PLEKHH2: variants seen among roughly 807,000 people sequenced by gnomAD.
The protein encoded by PLEKHH2 is pleckstrin homology, MyTH4 and FERM domain containing H2, also known as pleckstrin homology domain-containing family H member 2.
Under a neutral mutation model 187.9 loss-of-function variants are expected in PLEKHH2, and 129 were observed. The observed-to-expected ratio is 0.69, with a 90% CI of 0.59 to 0.79. The LOEUF is 0.79. PLEKHH2 is among the 30% of genes least tolerant of loss of function. The probability of loss-of-function intolerance (pLI) is 0.00; values close to 1 mark genes in which losing one functional copy is unlikely to be tolerated. For synonymous variants in PLEKHH2, 686 were observed against 605.6 expected, an observed-to-expected ratio of 1.13 and a Z score of -1.95; for missense variants, 2,076 against 1,751.2, an observed-to-expected ratio of 1.19 and a Z score of -3.31.
intron 20 of PLEKHH2, 71 bp from the exon 21 acceptor site, chr2:43,740,875 A>G: frequency 1.3e-6 from 2 of 1,579,766 alleles, no homozygotes; most frequent in Non-Finnish European, 1.7e-6. Context: ...TCATCAGCCC[A>G]TTGCACTCAC....
In PLEKHH2 at chr2:43,710,989, C is replaced by T. The variant is rs555596311; in HGVS notation, c.2301+414C>T. 287 of 998,394 alleles carry T rather than the reference C, an allele frequency of 2.9e-4. No individual in the cohort carries two copies. In the African/African-American group the frequency reaches 4.8e-3, roughly 17 times the overall value. The allele number at this position is 998,394 out of a possible 1,614,324, so 61.8% of individuals were successfully genotyped here. A position where few individuals can be genotyped will look rare whatever the true frequency, so the allele number is the denominator to read the frequency against. ...CTGAAAATGACAGTTCTTATATGAA[C>T]TTCAGATGCCATAACACCAAAGTGG... On this transcript the variant is annotated intron_variant, in intron 14 of 29. Transcript: ENST00000282406.
At position 43,710,002 on chromosome 2, in the gene PLEKHH2, C is replaced by T. The variant is rs552211925; in HGVS notation, c.1979C>T (p.Ser660Phe). Residue 660 changes from serine to phenylalanine, a missense_variant, in exon 12 of 30, where the codon TCC becomes TTC. Coordinates refer to ENST00000282406, the MANE Select transcript of PLEKHH2 (RefSeq NM_172069.4). The stretch of plus-strand genomic sequence containing the variant: ...TTTGTTCTCTTAGGTGTGTCTCTCT[C>T]CTCTGTGGCTTCTGAAAGTGATTAT... ...PRAMKRGVSL[S>F]SVASESDYAI... 6.2e-7 allele frequency: 1 copy of T among 1,611,350 alleles called. No individual in the cohort carries two copies. Among genetic ancestry groups the T allele is most frequent in the Non-Finnish European group, 8.5e-7 (1 of 1,178,978 alleles).
rs1193890596 is a variant in PLEKHH2, at chr2:43,683,149, T to TG, written c.186+4224_186+4225insG. On this transcript the variant is annotated intron_variant, in intron 3 of 29. Coordinates refer to ENST00000282406, the MANE Select transcript of PLEKHH2 (RefSeq NM_172069.4). Reference sequence around the variant, plus strand: ...TTCTTTTATTTATATACCCTTTTTTTTTTTTTTTTTTTTGAGATGGAGTTT... The same window carrying TG: ...TTCTTTTATTTATATACCCTTTTTTTGTTTTTTTTTTTTTGAGATGGAGTTT... 1.1e-3 allele frequency among the ~76,000 whole-genome samples: 168 copies of TG among 146,592 alleles called. 3 individuals are homozygous for TG. The highest frequency in any genetic ancestry group is 4.1e-3 in the African/African-American group (162 of 39,782).
intron 2 of PLEKHH2, among the ~76,000 whole-genome samples, chr2:43,647,387 A>G (rs562470166): frequency 6.6e-6 from 1 of 152,342 alleles, no homozygotes; most frequent in Non-Finnish European, 1.5e-5. Flanking sequence ...CCAAGATTCA[A>G]ACCCAGGCAT....
At chr2:43,639,309 A>C (rs1010834606) in intron 1 of PLEKHH2, among the ~76,000 whole-genome samples, 17 of 152,226 alleles carry the variant, frequency 1.1e-4, no homozygotes, top group African/African-American at 4.1e-4. Flanking sequence ...TTTAAAGTAT[A>C]CAGTTCACTG....
At chr2:43,712,895 G>A (rs1670037179) in intron 15 of PLEKHH2, among the ~76,000 whole-genome samples, 1 of 151,966 alleles carries the variant, frequency 6.6e-6, no homozygotes, top group Non-Finnish European at 1.5e-5. Context: ...TTTAAAATCT[G>A]GTGAAAAGTA....
chr2:43,730,064 C>T (rs1168489338), intron 18 of PLEKHH2, among the ~76,000 whole-genome samples: 2 of 152,140 alleles, frequency 1.3e-5, no homozygotes, highest in African/African-American at 2.4e-5. Flanking sequence ...CCCCAGCCAG[C>T]CCTCTGCAGC....
intron 19 of PLEKHH2, among the ~76,000 whole-genome samples, chr2:43,735,637 C>G (rs1455527659): frequency 1.3e-5 from 2 of 152,122 alleles, no homozygotes; most frequent in Non-Finnish European, 2.9e-5. Flanking sequence ...TCCCAATTCC[C>G]TTGATTTGAT....
At chr2:43,754,348 T>C (rs1672129685) in intron 25 of PLEKHH2, among the ~76,000 whole-genome samples, 1 of 150,584 alleles carries the variant, frequency 6.6e-6, no homozygotes. Flanking sequence ...GTCATCACCA[T>C]GGTCCTGGGA....
chr2:43,637,757 C>T (rs1703182938), intron 1 of PLEKHH2, among the ~76,000 whole-genome samples: 1 of 152,198 alleles, frequency 6.6e-6, no homozygotes, highest in African/African-American at 2.4e-5. Flanking sequence ...GAGGGACCCG[C>T]GCGGTCAGGG....
intron 3 of PLEKHH2, among the ~76,000 whole-genome samples, chr2:43,690,196 G>A (rs1367605264): frequency 3.9e-5 from 6 of 152,192 alleles, no homozygotes; most frequent in Non-Finnish European, 8.8e-5. Context: ...TGCTTGGGCA[G>A]TTTTGCATGA....
chr2:43,669,100 G>A (rs565636432), intron 2 of PLEKHH2, among the ~76,000 whole-genome samples: 1 of 152,268 alleles, frequency 6.6e-6, no homozygotes, highest in Admixed American at 6.5e-5. Context: ...GGTTGACTAA[G>A]GCCCCTACTT....
intron 4 of PLEKHH2, among the ~76,000 whole-genome samples, chr2:43,693,915 C>G (rs541698326): frequency 7.2e-5 from 11 of 152,182 alleles, no homozygotes; most frequent in Admixed American, 7.2e-4. Flanking sequence ...CTTTCTACCA[C>G]CCCTAGACCC....
chr2:43,705,604 G>A (rs895742273), intron 9 of PLEKHH2, among the ~76,000 whole-genome samples: 11 of 152,052 alleles, frequency 7.2e-5, no homozygotes, highest in Admixed American at 6.5e-4. Context: ...CCTGATAAAG[G>A]CTTAAGAACA....
intron 14 of PLEKHH2, chr2:43,711,387 A>G (rs965974398): frequency 1.0e-5 from 10 of 985,128 alleles, no homozygotes; most frequent in Non-Finnish European, 1.2e-5. Flanking sequence ...GAAATTTGGA[A>G]AATTTGCAGT....
intron 2 of PLEKHH2, among the ~76,000 whole-genome samples, chr2:43,672,373 T>C (rs1324659350): frequency 6.6e-6 from 1 of 152,210 alleles, no homozygotes; most frequent in East Asian, 1.9e-4. Flanking sequence ...TTTAATTTTA[T>C]TCATTTCTCC....
chr2:43,643,351 A>T (rs6750909), intron 1 of PLEKHH2, among the ~76,000 whole-genome samples: 18 of 151,828 alleles, frequency 1.2e-4, no homozygotes, highest in Non-Finnish European at 2.9e-5. Flanking sequence ...GGCTTTAAGA[A>T]GCTGGGGTGC....
At chr2:43,645,956 G>C (rs1666164083) in intron 2 of PLEKHH2, among the ~76,000 whole-genome samples, 1 of 152,092 alleles carries the variant, frequency 6.6e-6, no homozygotes, top group Admixed American at 6.6e-5. Context: ...TGCTAGCCAA[G>C]AATCTCTTAG....
intron 2 of PLEKHH2, among the ~76,000 whole-genome samples, chr2:43,674,002 A>T (rs1405860703): frequency 6.6e-6 from 1 of 152,228 alleles, no homozygotes; most frequent in East Asian, 1.9e-4. Flanking sequence ...GTTATTTGGC[A>T]GTGGTAAAAA....
Sources: gnomAD v4.1 joint callset for allele counts (sites outside exome capture counted in the v4.1 genomes callset) on GRCh38, gnomAD v4.1.1 for gene constraint, MANE v1.5 for transcripts, NCBI Gene and HGNC (gene_info 2026-07-23, HGNC 2026-07-21) for gene names.